The following DOK6 variants were observed in gnomAD, a reference collection of about 807,000 sequenced individuals.
DOK6 encodes the protein downstream of tyrosine kinase 6.
In DOK6, 22 loss-of-function variants were observed where a neutral mutation model predicts 44.0. The ratio of observed to expected loss-of-function variants is 0.50; its 90% CI spans 0.36 to 0.71. The LOEUF (loss-of-function observed/expected upper bound fraction) is 0.71. DOK6 is among the 30% of genes least tolerant of loss of function. The pLI is 0.00. For missense variants in DOK6, 340 were observed against 416.4 expected (o/e 0.82, Z 1.60); for synonymous variants, 166 against 145.5 (o/e 1.14, Z -1.01).
intron 3 of DOK6, among the ~76,000 whole-genome samples, chr18:69,652,072 A>G (rs1385834750): frequency 6.6e-6 from 1 of 152,140 alleles, no homozygotes; most frequent in Non-Finnish European, 1.5e-5. Context: ...TATGACAGCA[A>G]TGGCTCCCAT....
intron 3 of DOK6, among the ~76,000 whole-genome samples, chr18:69,637,436 A>T (rs1409398745): frequency 6.6e-6 from 1 of 152,198 alleles, no homozygotes; most frequent in African/African-American, 2.4e-5. Context: ...CCAAATGTAT[A>T]AGCCTACATA....
chr18:69,693,600 A>C (rs1986317574), intron 4 of DOK6, among the ~76,000 whole-genome samples: 1 of 152,112 alleles, frequency 6.6e-6, no homozygotes, highest in Admixed American at 6.5e-5. Flanking sequence ...GAAATTATCA[A>C]GGGGTTGTTT....
At chr18:69,668,372 A>C (rs571052740) in intron 3 of DOK6, among the ~76,000 whole-genome samples, 1 of 152,286 alleles carries the variant, frequency 6.6e-6, no homozygotes, top group East Asian at 1.9e-4. Flanking sequence ...TACTTTAAAA[A>C]AACCTAGGAA....
chr18:69,778,720 A>G (rs1980160081), intron 7 of DOK6, among the ~76,000 whole-genome samples: 1 of 152,208 alleles, frequency 6.6e-6, no homozygotes, highest in Non-Finnish European at 1.5e-5. Flanking sequence ...AAGAAAATCT[A>G]TAACATCTAA....
intron 1 of DOK6, among the ~76,000 whole-genome samples, chr18:69,464,484 C>T (rs897228458): frequency 1.3e-5 from 2 of 152,130 alleles, no homozygotes; most frequent in Admixed American, 1.3e-4. Context: ...TTTAATTGGA[C>T]TTTATATTAG....
intron 7 of DOK6, among the ~76,000 whole-genome samples, chr18:69,812,896 C>A (rs893142031): frequency 6.6e-6 from 1 of 151,972 alleles, no homozygotes; most frequent in African/African-American, 2.4e-5. Context: ...AATGCCCCCA[C>A]GATTCAATTA....
chr18:69,471,250 CAAAAAAAAAAAAAAA>C (rs71176969), intron 1 of DOK6, among the ~76,000 whole-genome samples: 2 of 27,784 alleles, frequency 7.2e-5, no homozygotes. Context: ...AACTCCATCT[CAAAAAAAAAAAAAAA>C]AAAAAAAAAA....
At chr18:69,788,897 A>T (rs774575526) in intron 7 of DOK6, among the ~76,000 whole-genome samples, 8 of 152,192 alleles carry the variant, frequency 5.3e-5, no homozygotes, top group Non-Finnish European at 8.8e-5. Context: ...GTTTTCCCGT[A>T]AATAACCAAA....
intron 2 of DOK6, among the ~76,000 whole-genome samples, chr18:69,596,181 A>G (rs983704639): frequency 6.6e-6 from 1 of 152,296 alleles, no homozygotes; most frequent in South Asian, 2.1e-4. Context: ...ATGTAAAACA[A>G]TGACCTCAGG....
chr18:69,559,809 G>C (rs1345198388), intron 1 of DOK6, among the ~76,000 whole-genome samples: 1 of 152,042 alleles, frequency 6.6e-6, no homozygotes, highest in Non-Finnish European at 1.5e-5. Flanking sequence ...GCTTGCACAT[G>C]GCCACATTCT....
chr18:69,435,041 A>AC (rs1568256532), intron 1 of DOK6, among the ~76,000 whole-genome samples: 7,334 of 43,372 alleles, frequency 0.17, 466 homozygotes, highest in East Asian at 0.28. Flanking sequence ...GAAGGAAGGA[A>AC]GGAAGGAAGG....
intron 1 of DOK6, among the ~76,000 whole-genome samples, chr18:69,484,220 C>A (rs1470151198): frequency 1.3e-5 from 2 of 151,924 alleles, no homozygotes; most frequent in East Asian, 3.9e-4. Context: ...TCTTATAAAG[C>A]ATTTTGATTA....
Position 69,547,953 on chromosome 18 carries a change from A to AATAT in DOK6, c.67-16525_67-16522dup, listed in dbSNP as rs36075931. The stretch of plus-strand genomic sequence containing the variant: ...TATAATATATATATAATATATATAA[A>AATAT]ATATATATATATGTATTTTTGAGAC... On this transcript the variant is annotated intron_variant, in intron 1 of 7. Transcript: ENST00000382713. 1.1e-3 allele frequency among the ~76,000 whole-genome samples: 159 copies of AATAT among 145,136 alleles called. 7 individuals carry two copies. The highest frequency in any genetic ancestry group is 5.0e-3 in the South Asian group (23 of 4,614).
At chr18:69,803,403 C>A (rs904336669) in intron 7 of DOK6, among the ~76,000 whole-genome samples, 21 of 152,032 alleles carry the variant, frequency 1.4e-4, no homozygotes, top group African/African-American at 4.8e-4. Context: ...AAATAAGATG[C>A]AAAACCACCT....
At chr18:69,451,068 T>C (rs1322310678) in intron 1 of DOK6, among the ~76,000 whole-genome samples, 3 of 145,978 alleles carry the variant, frequency 2.1e-5, no homozygotes, top group Non-Finnish European at 4.5e-5. Flanking sequence ...CAATATTAAC[T>C]TTAAATGTAA....
intron 7 of DOK6, among the ~76,000 whole-genome samples, chr18:69,835,486 A>T (rs1196855130): frequency 1.6e-3 from 2 of 1,278 alleles, no homozygotes; most frequent in Non-Finnish European, 2.2e-3. Context: ...AACAACAACA[A>T]AAAAAAAAAC....
intron 3 of DOK6, among the ~76,000 whole-genome samples, chr18:69,650,976 T>G (rs945064875): frequency 1.3e-5 from 2 of 152,246 alleles, no homozygotes; most frequent in Admixed American, 1.3e-4. Flanking sequence ...AATCTTGATA[T>G]GGAATATGCT....
At chr18:69,530,526 T>C (rs1024214862) in intron 1 of DOK6, among the ~76,000 whole-genome samples, 2 of 151,792 alleles carry the variant, frequency 1.3e-5, no homozygotes, top group Admixed American at 6.6e-5. Context: ...TACCAAAGAA[T>C]AATTAACCAA....
intron 1 of DOK6, among the ~76,000 whole-genome samples, chr18:69,472,813 C>T (rs1980152925): frequency 6.7e-6 from 1 of 149,044 alleles, no homozygotes; most frequent in Non-Finnish European, 1.5e-5. Flanking sequence ...TGACCTCAGT[C>T]ACAAACTCTG....
Sources: gnomAD v4.1 joint callset for allele counts (sites outside exome capture counted in the v4.1 genomes callset) on GRCh38, gnomAD v4.1.1 for gene constraint, MANE v1.5 for transcripts, NCBI Gene and HGNC (gene_info 2026-07-23, HGNC 2026-07-21) for gene names.